NAV2: variants seen among roughly 807,000 people sequenced by gnomAD.
NAV2 encodes the protein helicase, APC down-regulated 1.
A neutral mutation model predicts 223.2 loss-of-function variants in NAV2; 54 were observed. That is an observed-to-expected ratio of 0.24 (90% CI 0.19 to 0.30). NAV2 has a LOEUF of 0.30. Ranked by LOEUF, NAV2 falls within the 10% of genes least tolerant of loss-of-function variation. The pLI is 1.00. For synonymous variants in NAV2, 1,279 were observed against 1,239.3 expected (o/e 1.03, Z -0.67); for missense variants, 2,806 against 3,147.5 (o/e 0.89, Z 2.60).
chr11:19,461,360 G>T (rs7127833), intron 1 of NAV2, among the ~76,000 whole-genome samples: 312 of 152,254 alleles, frequency 2.0e-3, no homozygotes, highest in African/African-American at 6.8e-3. Flanking sequence ...ACTTTCGGAG[G>T]GATTTCCTAG....
chr11:20,045,054 C>G lies in NAV2; in HGVS notation c.3286C>G (p.Arg1096Gly), dbSNP rs770143719. 9.9e-6 allele frequency: 16 copies of G among 1,613,986 alleles called. No individual in the cohort carries two copies. The highest frequency in any genetic ancestry group is 1.4e-5 in the Non-Finnish European group (16 of 1,180,014). ...QVKRSPSDAG[R>G]SSGDESKKPL... is the part of the protein sequence containing the mutation. ...GAAGCGCTCCCCATCAGATGCAGGC[C>G]GGAGCAGTGGTGACGAATCCAAAAA... The change falls in exon 14 of 38, where the codon CGG (arginine) becomes GGG (glycine). Residue 1096 changes from arginine to glycine, a missense_variant. By Grantham distance (125) the Arg-to-Gly change is moderately radical. This residue lies in a region of NAV2 where 742 missense variants were observed against 777.9 expected (regional missense o/e 0.95). Transcript: ENST00000349880.
In NAV2 at chr11:20,062,320, ACTCT is replaced by A; in HGVS notation, c.4847_4850del (p.Leu1616ProfsTer38). 6.2e-7 allele frequency: 1 copy of A among 1,607,798 alleles called. No homozygotes were observed. Among genetic ancestry groups the A allele is most frequent in the South Asian group, 1.1e-5 (1 of 90,318 alleles). On this transcript the variant is annotated frameshift_variant, in exon 20 of 38. Transcript: ENST00000349880. LOFTEE classifies it high-confidence loss of function. ...TTCTTTTAATAGTTCATGGATCCTC[ACTCT>A]CCTTGGTTTCCAGCACATCGTCAGT...
chr11:19,965,759 A>T (rs2153417765), intron 10 of NAV2, among the ~76,000 whole-genome samples: 1 of 152,336 alleles, frequency 6.6e-6, no homozygotes. Flanking sequence ...TAGCTTCTTG[A>T]AACTACCATT....
At chr11:19,394,745 C>G (rs1051906268) in intron 1 of NAV2, among the ~76,000 whole-genome samples, 1 of 152,116 alleles carries the variant, frequency 6.6e-6, no homozygotes, top group South Asian at 2.1e-4. Flanking sequence ...GCAGAGGAAA[C>G]AGTGTGGGTA....
rs544842991 is a variant in NAV2, at chr11:20,120,283, C to T, written c.*2025C>T. The T allele has an allele frequency of 4.6e-5, 7 of 152,210 alleles. No individual in the cohort carries two copies. The highest frequency in any genetic ancestry group is 1.0e-4 in the Non-Finnish European group (7 of 68,038). 9.4% of individuals were successfully genotyped at this position (152,210 alleles called of 1,614,324 possible). On this transcript the variant is annotated 3_prime_UTR_variant, in exon 38 of 38. Transcript: ENST00000349880. Reference sequence around the variant, plus strand: ...TGAAAGGAAAACTTTTCAACACTATCCCTGCTTTAGTCTCAGCAAACTCAG... The same window carrying T: ...TGAAAGGAAAACTTTTCAACACTATTCCTGCTTTAGTCTCAGCAAACTCAG...
At chr11:19,929,178 G>A (rs72911267) in intron 6 of NAV2, among the ~76,000 whole-genome samples, 3,668 of 152,250 alleles carry the variant, frequency 0.024, 65 homozygotes, top group South Asian at 0.067. Context: ...ACTTCAGCCT[G>A]GGAAGTGGAG....
chr11:19,703,128 AAAT>A (rs1224828730), intron 1 of NAV2, among the ~76,000 whole-genome samples: 2 of 144,014 alleles, frequency 1.4e-5, no homozygotes, highest in Non-Finnish European at 3.2e-5. Context: ...ATAATAAAGA[AAAT>A]AATATTTTTT....
intron 1 of NAV2, among the ~76,000 whole-genome samples, chr11:19,400,662 A>G (rs1849644592): frequency 6.6e-6 from 1 of 152,220 alleles, no homozygotes; most frequent in Admixed American, 6.5e-5. Context: ...TTAGAATTAG[A>G]AAAAGGTACC....
At position 20,056,654 on chromosome 11, in the gene NAV2, GA is replaced by G. The variant is rs756446606; in HGVS notation, c.4831+698del. On this transcript the variant is annotated intron_variant, in intron 19 of 37. Transcript: ENST00000349880. ...GTGAGTAAGCAGTCAAAATTCTGTG[GA>G]GGATATCATCCCCACCCCATGAAGA... 2.7e-6 allele frequency: 4 copies of G among 1,490,440 alleles called. No individual in the cohort carries two copies. In the South Asian group the frequency reaches 4.5e-5, roughly 17 times the overall value. The allele number at this position is 1,490,440 out of a possible 1,614,324, so 92.3% of individuals were successfully genotyped here. A position where few individuals can be genotyped will look rare whatever the true frequency, so the allele number is the denominator to read the frequency against.
chr11:19,576,955 T>G (rs1158930547), intron 1 of NAV2, among the ~76,000 whole-genome samples: 1 of 152,214 alleles, frequency 6.6e-6, no homozygotes, highest in Non-Finnish European at 1.5e-5. Flanking sequence ...CTCCCCCTTC[T>G]CTACTCTAAT....
intron 1 of NAV2, among the ~76,000 whole-genome samples, chr11:19,642,970 C>T (rs2047706919): frequency 6.6e-6 from 1 of 152,168 alleles, no homozygotes; most frequent in Non-Finnish European, 1.5e-5. Context: ...AAGACCTTTG[C>T]TTCTATTGAC....
intron 3 of NAV2, among the ~76,000 whole-genome samples, chr11:19,865,113 AC>A (rs1283846749): frequency 1.3e-5 from 2 of 152,246 alleles, no homozygotes; most frequent in Non-Finnish European, 1.5e-5. Flanking sequence ...ATGCTAATGA[AC>A]AAGTTTGGTC....
intron 1 of NAV2, among the ~76,000 whole-genome samples, chr11:19,724,431 A>G (rs1212889366): frequency 6.6e-6 from 1 of 152,120 alleles, no homozygotes; most frequent in African/African-American, 2.4e-5. Context: ...CACTGCAGCC[A>G]CAAACTCCTG....
chr11:19,369,356 GATT>G (rs1848394226), intron 1 of NAV2, among the ~76,000 whole-genome samples: 2 of 152,262 alleles, frequency 1.3e-5, no homozygotes, highest in South Asian at 4.1e-4. Context: ...TGATGATTCA[GATT>G]AATAATCTAA....
chr11:19,353,711 G>A (rs1248857252), intron 1 of NAV2, among the ~76,000 whole-genome samples: 2 of 151,962 alleles, frequency 1.3e-5, no homozygotes, highest in African/African-American at 4.8e-5. Context: ...GTTCTTAGAG[G>A]GCTGCATGTG....
At chr11:19,485,982 A>G (rs1400774103) in intron 1 of NAV2, among the ~76,000 whole-genome samples, 1 of 152,136 alleles carries the variant, frequency 6.6e-6, no homozygotes, top group Non-Finnish European at 1.5e-5. Context: ...CTCCTCCACC[A>G]TGCACCCTCC....
intron 5 of NAV2, among the ~76,000 whole-genome samples, chr11:19,889,860 T>C (rs1050619388): frequency 1.3e-5 from 2 of 152,248 alleles, no homozygotes; most frequent in African/African-American, 4.8e-5. Context: ...TGATGAGCCC[T>C]GCTCGCCGAA....
chr11:20,080,278 C>G lies in NAV2; in HGVS notation c.5325+69C>G, dbSNP rs2153662471. ...GTTGCAGAACTGGCTGCTGCATCTC[C>G]CCAGATAAAGTCCAGCCCAGCTACT... is the stretch of plus-strand genomic sequence containing the variant. On this transcript the variant is annotated intron_variant, in intron 25 of 37. Transcript: ENST00000349880. 2.0e-6 allele frequency: 3 copies of G among 1,466,456 alleles called. No homozygotes were observed. In the East Asian group the frequency reaches 7.2e-5, roughly 35 times the overall value. The allele number at this position is 1,466,456 out of a possible 1,614,324, so 90.8% of individuals were successfully genotyped here.
intron 6 of NAV2, among the ~76,000 whole-genome samples, chr11:19,898,114 G>T (rs143579626): frequency 1.5e-4 from 23 of 151,862 alleles, no homozygotes; most frequent in African/African-American, 5.6e-4. Flanking sequence ...AAAGTATTTG[G>T]TCCATATTAT....
Sources: gnomAD v4.1 joint callset for allele counts (sites outside exome capture counted in the v4.1 genomes callset) on GRCh38, gnomAD v4.1.1 for gene constraint, gnomAD v4.1.1 regional missense constraint, MANE v1.5 for transcripts, NCBI Gene and HGNC (gene_info 2026-07-23, HGNC 2026-07-21) for gene names.